ARL15: variants seen among roughly 807,000 people sequenced by gnomAD.
The protein encoded by ARL15 is ARF like GTPase 15, also known as ADP-ribosylation factor-like protein 15.
Under a neutral mutation model 25.2 loss-of-function variants are expected in ARL15, and 19 were observed. The ratio of observed to expected loss-of-function variants is 0.75; its 90% confidence interval spans 0.53 to 1.10. The LOEUF (loss-of-function observed/expected upper bound fraction) is 1.10, where lower values mean the gene tolerates loss of function less well. Ranked by LOEUF, ARL15 falls within the 50% of genes least tolerant of loss-of-function variation. The pLI is 0.00. For synonymous variants in ARL15, 94 were observed against 86.8 expected (o/e 1.08, Z -0.46); for missense variants, 220 against 246.0 (o/e 0.89, Z 0.71).
chr5:53,961,495 C>CA (rs10589852), intron 4 of ARL15, among the ~76,000 whole-genome samples: 5,865 of 68,526 alleles, frequency 0.086, 420 homozygotes, highest in Non-Finnish European at 0.12. Context: ...GACTCTGTCT[C>CA]AAAAAAAAAA....
chr5:53,995,252 G>A (rs374526722), intron 4 of ARL15, among the ~76,000 whole-genome samples: 2 of 141,448 alleles, frequency 1.4e-5, no homozygotes, highest in African/African-American at 2.6e-5. Flanking sequence ...AGGTTGCTCC[G>A]AGCCGAGATT....
intron 1 of ARL15, among the ~76,000 whole-genome samples, chr5:54,239,477 A>G (rs1756897578): frequency 6.6e-6 from 1 of 152,178 alleles, no homozygotes; most frequent in South Asian, 2.1e-4. Flanking sequence ...GGATTGGCAT[A>G]AGGGAGTCTG....
chr5:54,020,963 G>C (rs1749583651), intron 4 of ARL15, among the ~76,000 whole-genome samples: 1 of 149,536 alleles, frequency 6.7e-6, no homozygotes, highest in Non-Finnish European at 1.5e-5. Context: ...TCAAAAAAAA[G>C]AAAAGACAGT....
chr5:54,200,558 T>G (rs986688663), intron 1 of ARL15, among the ~76,000 whole-genome samples: 3 of 151,868 alleles, frequency 2.0e-5, no homozygotes, highest in Admixed American at 6.6e-5. Context: ...TGAGGGTACT[T>G]AAGTTACACC....
chr5:53,943,123 G>A (rs1467437406), intron 4 of ARL15, among the ~76,000 whole-genome samples: 1 of 152,132 alleles, frequency 6.6e-6, no homozygotes, highest in Non-Finnish European at 1.5e-5. Context: ...GAGTGGGCGG[G>A]GGTGTTGGGG....
At chr5:54,033,959 G>A (rs370241083) in intron 4 of ARL15, among the ~76,000 whole-genome samples, 1 of 152,012 alleles carries the variant, frequency 6.6e-6, no homozygotes, top group African/African-American at 2.4e-5. Flanking sequence ...GACTACAGGT[G>A]CCCGCCACCA....
chr5:53,899,347 CAAAAAAAAAAAAAAAA>C lies in ARL15; in HGVS notation c.463-12650_463-12635del, dbSNP rs59145507. Among the ~76,000 whole-genome samples the C allele has an allele frequency of 2.5e-3, 219 of 89,360 alleles. 4 individuals carry two copies. The highest frequency in any genetic ancestry group is 8.7e-3 in the African/African-American group (159 of 18,356). 58.6% of individuals were successfully genotyped at this position (89,360 alleles called of 152,430 possible). ...TGGGTAACAGAGTGAGACTCTATCC[CAAAAAAAAAAAAAAAA>C]AAAAAAAAAAAAAAAAAAAAAAAAT... On this transcript the variant is annotated intron_variant, in intron 4 of 4. Transcript: ENST00000504924.
At chr5:54,143,648 T>C (rs991733880) in intron 3 of ARL15, among the ~76,000 whole-genome samples, 2 of 152,062 alleles carry the variant, frequency 1.3e-5, no homozygotes, top group African/African-American at 4.8e-5. Flanking sequence ...TCTTGAACTT[T>C]GCTAAATGTA....
chr5:54,000,096 A>G (rs1231405958), intron 4 of ARL15, among the ~76,000 whole-genome samples: 1 of 152,000 alleles, frequency 6.6e-6, no homozygotes, highest in Non-Finnish European at 1.5e-5. Flanking sequence ...CAAAAAAGAA[A>G]AGCTACACTG....
chr5:54,189,076 C>T (rs1028030378), intron 1 of ARL15, among the ~76,000 whole-genome samples: 8 of 151,950 alleles, frequency 5.3e-5, no homozygotes, highest in East Asian at 1.9e-4. Context: ...TATAATAGCA[C>T]GTAAAAGAAT....
At chr5:54,292,125 T>C (rs1259011526) in intron 1 of ARL15, among the ~76,000 whole-genome samples, 1 of 152,110 alleles carries the variant, frequency 6.6e-6, no homozygotes, top group Non-Finnish European at 1.5e-5. Flanking sequence ...TCACCCTATT[T>C]CCCTTTTCTT....
intron 4 of ARL15, among the ~76,000 whole-genome samples, chr5:53,955,760 G>C (rs533420568): frequency 6.6e-6 from 1 of 152,312 alleles, no homozygotes; most frequent in South Asian, 2.1e-4. Context: ...CAACAGTCTG[G>C]ATTTCCAGTG....
chr5:53,887,815 T>A (rs1278741535), intron 4 of ARL15, among the ~76,000 whole-genome samples: 1 of 152,158 alleles, frequency 6.6e-6, no homozygotes, highest in Non-Finnish European at 1.5e-5. Flanking sequence ...AAAAAGTATC[T>A]CCACTTTAAA....
chr5:54,168,651 G>A (rs773833194), intron 2 of ARL15, among the ~76,000 whole-genome samples: 1 of 151,880 alleles, frequency 6.6e-6, no homozygotes, highest in African/African-American at 2.4e-5. Flanking sequence ...AACCCAGTAA[G>A]ACCACTAATC....
intron 4 of ARL15, among the ~76,000 whole-genome samples, chr5:54,097,640 T>A (rs1271038617): frequency 6.6e-6 from 1 of 152,238 alleles, no homozygotes; most frequent in Non-Finnish European, 1.5e-5. Flanking sequence ...TAGGTTCCTA[T>A]AATAACATTT....
At chr5:53,915,297 C>A (rs569649060) in intron 4 of ARL15, among the ~76,000 whole-genome samples, 1 of 152,284 alleles carries the variant, frequency 6.6e-6, no homozygotes, top group Non-Finnish European at 1.5e-5. Context: ...CTTTATCACA[C>A]ACAAGGCACT....
chr5:54,018,790 C>G (rs1322143245), intron 4 of ARL15, among the ~76,000 whole-genome samples: 1 of 152,144 alleles, frequency 6.6e-6, no homozygotes, highest in Admixed American at 6.5e-5. Context: ...CTAAACAAAC[C>G]GTAAAGTCTA....
intron 3 of ARL15, among the ~76,000 whole-genome samples, chr5:54,150,957 G>A (rs773012174): frequency 1.3e-5 from 2 of 151,988 alleles, no homozygotes; most frequent in African/African-American, 4.8e-5. Flanking sequence ...CTTGTGCCAG[G>A]CCCTGGGTAA....
At chr5:53,974,151 A>G (rs1282312344) in intron 4 of ARL15, among the ~76,000 whole-genome samples, 1 of 152,228 alleles carries the variant, frequency 6.6e-6, no homozygotes, top group East Asian at 1.9e-4. Context: ...CCTACCCTTT[A>G]GCAAGCTACT....
Sources: gnomAD v4.1 joint callset for allele counts (sites outside exome capture counted in the v4.1 genomes callset) on GRCh38, gnomAD v4.1.1 for gene constraint, MANE v1.5 for transcripts, NCBI Gene and HGNC (gene_info 2026-07-23, HGNC 2026-07-21) for gene names.